The following MYT1L variants were observed in gnomAD, a reference collection of about 807,000 sequenced individuals.
MYT1L encodes the protein myelin transcription factor 1-like protein.
MYT1L carries 12 observed loss-of-function variants against 126.7 expected under a neutral mutation model. The observed-to-expected ratio is 0.09, with a 90% confidence interval of 0.06 to 0.15. The LOEUF (loss-of-function observed/expected upper bound fraction) is 0.15, where lower values mean the gene tolerates loss of function less well. Ranked by LOEUF, MYT1L falls within the 10% of genes least tolerant of loss-of-function variation. The pLI is 1.00. For synonymous variants in MYT1L, 541 were observed against 604.2 expected (o/e 0.90, Z 1.53); for missense variants, 979 against 1,585.2 (o/e 0.62, Z 6.49).
At chr2:1,797,080 A>AGGCTTGGGTGTGTCC (rs144969471) in intron 23 of MYT1L, among the ~76,000 whole-genome samples, 6,321 of 152,034 alleles carry the variant, frequency 0.042, 192 homozygotes, top group South Asian at 0.099. Context: ...TCCAGAACCA[A>AGGCTTGGGTGTGTCC]GGCTTGGGTG....
intron 22 of MYT1L, among the ~76,000 whole-genome samples, chr2:1,802,915 G>GT (rs2035097725): frequency 6.6e-6 from 1 of 152,164 alleles, no homozygotes; most frequent in Non-Finnish European, 1.5e-5. Flanking sequence ...AATGGAAAAT[G>GT]TATCCAGGCC....
intron 2 of MYT1L, among the ~76,000 whole-genome samples, chr2:2,219,706 A>T (rs1156329480): frequency 6.6e-6 from 1 of 152,168 alleles, no homozygotes; most frequent in Admixed American, 6.5e-5. Flanking sequence ...CCAAGTTGCT[A>T]GCCAGTCAGG....
intron 21 of MYT1L, chr2:1,828,056 T>G (rs1445702323): frequency 6.6e-6 from 1 of 152,244 alleles, no homozygotes; most frequent in Non-Finnish European, 1.5e-5. Flanking sequence ...CTACTGGCAA[T>G]GCATCCGGGA....
At chr2:2,205,247 C>T (rs1171379468) in intron 2 of MYT1L, among the ~76,000 whole-genome samples, 1 of 151,512 alleles carries the variant, frequency 6.6e-6, no homozygotes, top group Non-Finnish European at 1.5e-5. Flanking sequence ...TGCACATGTA[C>T]CCTAAAACGT....
At chr2:2,148,219 AC>A (rs2085191250) in intron 3 of MYT1L, among the ~76,000 whole-genome samples, 1 of 152,198 alleles carries the variant, frequency 6.6e-6, no homozygotes, top group Admixed American at 6.5e-5. Flanking sequence ...CCTTTTTGGC[AC>A]CAAGGACCAG....
chr2:2,104,458 C>T (rs1159335790), intron 3 of MYT1L, among the ~76,000 whole-genome samples: 1 of 152,216 alleles, frequency 6.6e-6, no homozygotes, highest in Non-Finnish European at 1.5e-5. Context: ...AGAAAAACTG[C>T]ACACACTAGC....
At chr2:2,242,589 A>G (rs919427383) in intron 2 of MYT1L, among the ~76,000 whole-genome samples, 1 of 152,198 alleles carries the variant, frequency 6.6e-6, no homozygotes, top group African/African-American at 2.4e-5. Context: ...CCATTTATCA[A>G]GCACTGGTCA....
chr2:2,298,835 CTG>C (rs1359937971), intron 1 of MYT1L, among the ~76,000 whole-genome samples: 1 of 152,104 alleles, frequency 6.6e-6, no homozygotes, highest in Non-Finnish European at 1.5e-5. Context: ...CACGGTAACT[CTG>C]TGTTTATTTT....
At chr2:2,309,861 C>T (rs2095930116) in intron 1 of MYT1L, among the ~76,000 whole-genome samples, 1 of 151,852 alleles carries the variant, frequency 6.6e-6, no homozygotes, top group Admixed American at 6.6e-5. Context: ...TGCTCTCTAC[C>T]TATACTCCAC....
intron 3 of MYT1L, among the ~76,000 whole-genome samples, chr2:2,140,412 TA>T (rs1370860462): frequency 1.3e-5 from 2 of 151,376 alleles, no homozygotes; most frequent in African/African-American, 4.8e-5. Context: ...TCAATGTCTT[TA>T]TTTTTTTTCT....
intron 2 of MYT1L, among the ~76,000 whole-genome samples, chr2:2,215,826 A>C (rs542076098): frequency 1.3e-5 from 2 of 152,116 alleles, no homozygotes; most frequent in South Asian, 2.1e-4. Context: ...CCAGTGTTGG[A>C]GGTGGTCCCT....
chr2:1,939,710 C>A (rs74593803), intron 9 of MYT1L, among the ~76,000 whole-genome samples: 2,430 of 152,300 alleles, frequency 0.016, 63 homozygotes, highest in African/African-American at 0.055. Context: ...GTTCTATCAA[C>A]AGTTATCCTG....
chr2:1,823,729 G>A (rs2038902884), intron 21 of MYT1L, among the ~76,000 whole-genome samples: 1 of 152,214 alleles, frequency 6.6e-6, no homozygotes, highest in Non-Finnish European at 1.5e-5. Context: ...TCAGGCTCCT[G>A]GCACGAGCAG....
intron 2 of MYT1L, among the ~76,000 whole-genome samples, chr2:2,185,128 T>C (rs1457247421): frequency 6.6e-6 from 1 of 152,098 alleles, no homozygotes; most frequent in East Asian, 1.9e-4. Flanking sequence ...ATCCATCCAA[T>C]AACTCTCTGT....
intron 8 of MYT1L, among the ~76,000 whole-genome samples, chr2:1,949,029 G>A (rs901592748): frequency 1.2e-4 from 19 of 152,202 alleles, no homozygotes; most frequent in Middle Eastern, 3.4e-3. Flanking sequence ...CAAAGAAGTC[G>A]TAAATATGAT....
chr2:1,909,728 CCTA>C (rs942551116), intron 13 of MYT1L, among the ~76,000 whole-genome samples: 1 of 152,154 alleles, frequency 6.6e-6, no homozygotes, highest in Non-Finnish European at 1.5e-5. Context: ...GGTGACAACA[CCTA>C]CTCCCACCTA....
chr2:2,316,481 G>A (rs988342725), intron 1 of MYT1L, among the ~76,000 whole-genome samples: 6 of 152,134 alleles, frequency 3.9e-5, no homozygotes, highest in Non-Finnish European at 7.3e-5. Flanking sequence ...AAAGCCAATG[G>A]GGCTATTTCC....
rs139211901 is a variant in MYT1L, at chr2:1,911,882, G to A, written c.1709+138C>T. On this transcript the variant is annotated intron_variant, in intron 12 of 24. Transcript: ENST00000647738. ...AAGGGCGTGGAGTGCTTTCACTCCC[G>A]TGCATTATATGGAGGTGCCCGCACT... 7.1e-3 allele frequency: 3,856 copies of A among 543,870 alleles called. 18 individuals carry two copies. The highest frequency in any genetic ancestry group is 0.021 in the Middle Eastern group (42 of 1,964). 33.7% of individuals were successfully genotyped at this position (543,870 alleles called of 1,614,324 possible).
intron 2 of MYT1L, among the ~76,000 whole-genome samples, chr2:2,184,143 G>A (rs1345500076): frequency 6.6e-6 from 1 of 152,152 alleles, no homozygotes; most frequent in Admixed American, 6.5e-5. Context: ...TGTAGGTCAT[G>A]CTGAGGCTGT....
Sources: allele counts gnomAD v4.1 joint callset (sites outside exome capture counted in the v4.1 genomes callset), GRCh38; gene constraint gnomAD v4.1.1; transcripts MANE v1.5; gene names NCBI Gene and HGNC (gene_info 2026-07-23, HGNC 2026-07-21).